Variants in ZNF532 observed in about 807,000 individuals in gnomAD.
The protein encoded by ZNF532 is zinc finger protein 532.
A neutral mutation model predicts 89.3 loss-of-function variants in ZNF532; 22 were observed. That is an observed-to-expected ratio of 0.25 (90% CI 0.18 to 0.35). The LOEUF (loss-of-function observed/expected upper bound fraction) is 0.35. Ranked by LOEUF, ZNF532 falls within the 10% of genes least tolerant of loss-of-function variation. The pLI is 1.00. For missense variants in ZNF532, 1,132 were observed against 1,643.4 expected (o/e 0.69, Z 5.38); for synonymous variants, 606 against 649.6 (o/e 0.93, Z 1.02).
chr18:58,932,446 C>T (rs2062040758), intron 3 of ZNF532: 1 of 152,184 alleles, frequency 6.6e-6, no homozygotes, highest in Non-Finnish European at 1.5e-5. Flanking sequence ...GTAGTGCAAT[C>T]ACATTACTTT....
chr18:58,945,795 T>C (rs2063599686), intron 5 of ZNF532, among the ~76,000 whole-genome samples: 1 of 152,016 alleles, frequency 6.6e-6, no homozygotes, highest in African/African-American at 2.4e-5. Flanking sequence ...CAGCGTGGTC[T>C]CAGCTCACTG....
rs144794401 is a variant in ZNF532 at position 58,885,803 on chromosome 18, G to A, written c.-18+20224G>A. 5.3e-3 allele frequency among the ~76,000 whole-genome samples: 799 copies of A among 150,346 alleles called. 4 individuals are homozygous for A. The highest frequency in any genetic ancestry group is 0.018 in the African/African-American group (756 of 40,952). On this transcript the variant is annotated intron_variant, in intron 2 of 9. Transcript: ENST00000591808. Reference sequence around the variant, plus strand: ...CGGGAGGCGGAGGTTGCAGTGAGCCGAAATCGCATCATCGTACTCCAGCCT... The same window carrying A: ...CGGGAGGCGGAGGTTGCAGTGAGCCAAAATCGCATCATCGTACTCCAGCCT...
intron 2 of ZNF532, among the ~76,000 whole-genome samples, chr18:58,916,453 A>G (rs1164411977): frequency 6.6e-6 from 1 of 152,054 alleles, no homozygotes; most frequent in Non-Finnish European, 1.5e-5. Context: ...TACTTTTTGC[A>G]TCGGTGGTAG....
chr18:58,863,875 C>T (rs2144279591), upstream of ZNF532: 1 of 152,252 alleles, frequency 6.6e-6, no homozygotes, highest in East Asian at 1.9e-4. Context: ...CCCCTCGTGC[C>T]CACTCCTGCG....
chr18:58,967,531 C>A (rs904193753), intron 7 of ZNF532, among the ~76,000 whole-genome samples: 1 of 152,146 alleles, frequency 6.6e-6, no homozygotes, highest in Admixed American at 6.5e-5. Flanking sequence ...TCTCTTCATC[C>A]CCACCCTGCC....
At chr18:58,978,123 C>T (rs190681418) in intron 7 of ZNF532, among the ~76,000 whole-genome samples, 1 of 152,254 alleles carries the variant, frequency 6.6e-6, no homozygotes, top group African/African-American at 2.4e-5. Context: ...ATATCTCAGC[C>T]TGAGTGGGAA....
chr18:58,965,417 G>C (rs1031648280), intron 7 of ZNF532, among the ~76,000 whole-genome samples: 18 of 152,218 alleles, frequency 1.2e-4, no homozygotes, highest in African/African-American at 3.4e-4. Context: ...CCTGCCAGAG[G>C]CAGGTTTCTA....
intron 4 of ZNF532, among the ~76,000 whole-genome samples, chr18:58,935,737 C>T (rs1368856790): frequency 1.3e-5 from 2 of 151,834 alleles, no homozygotes; most frequent in African/African-American, 2.4e-5. Flanking sequence ...AAACATGTCA[C>T]TGATACACAG....
chr18:58,966,738 G>GTTTTTTT (rs540133909), intron 7 of ZNF532, among the ~76,000 whole-genome samples: 8 of 125,994 alleles, frequency 6.3e-5, no homozygotes, highest in Non-Finnish European at 1.0e-4. Context: ...ATTTTTTTGT[G>GTTTTTTT]TTTTTTTTTT....
At position 58,953,819 on chromosome 18, in the gene ZNF532, T is replaced by TGCTCTGGGTGAGTGCAAGAGAGG; in HGVS notation, c.3150+23_3150+45dup. 6.2e-7 allele frequency: 1 copy of TGCTCTGGGTGAGTGCAAGAGAGG among 1,604,130 alleles called. No individual in the cohort carries two copies. The highest frequency in any genetic ancestry group is 8.5e-7 in the Non-Finnish European group (1 of 1,174,194). Reference sequence around the variant, plus strand: ...GGGAAGGTCAGTAAAGAATGAAAGCTGCTCTGGGTGAGTGCAAGAGAGGGC... The same window carrying TGCTCTGGGTGAGTGCAAGAGAGG: ...GGGAAGGTCAGTAAAGAATGAAAGCTGCTCTGGGTGAGTGCAAGAGAGGGCTCTGGGTGAGTGCAAGAGAGGGC... On this transcript the variant is annotated intron_variant, in intron 7 of 9. Transcript: ENST00000591808.
At position 58,971,752 on chromosome 18, in the gene ZNF532, A is replaced by G. The variant is rs556352118; in HGVS notation, c.3151-7303A>G. ...AAGAGGCTTATTTTTCACAACCTTT[A>G]TATTGGAAAGACTGCCTTCAATAGT... On this transcript the variant is annotated intron_variant, in intron 7 of 9. Coordinates refer to ENST00000591808, the MANE Select transcript of ZNF532 (RefSeq NM_001375912.1). Among the ~76,000 whole-genome samples the G allele has an allele frequency of 4.3e-4, 65 of 152,340 alleles. 1 individual carries two copies. The highest frequency in any genetic ancestry group is 1.5e-3 in the African/African-American group (62 of 41,576).
Position 58,907,934 on chromosome 18 carries a change from A to G in ZNF532, c.-17-10337A>G, listed in dbSNP as rs377355002. Among the ~76,000 whole-genome samples the G allele has an allele frequency of 2.6e-3, 396 of 152,292 alleles. 2 individuals carry two copies. Among genetic ancestry groups the G allele is most frequent in the African/African-American group, 8.6e-3 (359 of 41,554 alleles). On this transcript the variant is annotated intron_variant, in intron 2 of 9. Transcript: ENST00000591808. ...CTGACTAGGAAGGTTAATAAATGAG[A>G]TGACCACAGACTGTTTTCCTGAATG... is the stretch of plus-strand genomic sequence containing the variant.
chr18:58,896,937 G>T (rs1186536830), intron 2 of ZNF532, among the ~76,000 whole-genome samples: 3 of 152,220 alleles, frequency 2.0e-5, no homozygotes, highest in Non-Finnish European at 4.4e-5. Context: ...TTGAAAGCAG[G>T]CAGCCCAGCG....
In ZNF532 at chr18:58,920,410, C is replaced by T. The variant is rs771799307; in HGVS notation, c.2123C>T (p.Pro708Leu). 6.2e-6 allele frequency: 10 copies of T among 1,613,942 alleles called. No individual in the cohort carries two copies. In the South Asian group the frequency reaches 6.6e-5, roughly 11 times the overall value. ...TSTSTSTLQS[P>L]VGAGTHTVTK... ...ACTTCAACTTCCACTCTTCAGAGCC[C>T]TGTGGGAGCTGGCACACACACTGTC... The change falls in exon 3 of 10, where the codon CCT (proline) becomes CTT (leucine). Residue 708 changes from proline to leucine, a missense_variant. Around this residue, in one of 9 missense-constraint regions of ZNF532, gnomAD observed 100 missense variants for 122.0 expected, o/e 0.82. Transcript: ENST00000591808.
chr18:58,969,872 CCTTT>C (rs763042651), intron 7 of ZNF532, among the ~76,000 whole-genome samples: 2 of 134,570 alleles, frequency 1.5e-5, no homozygotes, highest in Non-Finnish European at 3.1e-5. Context: ...AATATTTGTC[CCTTT>C]TTTTTTTTTT....
chr18:58,926,087 A>G (rs1047735611), intron 3 of ZNF532: 2 of 152,154 alleles, frequency 1.3e-5, no homozygotes, highest in African/African-American at 4.8e-5. Flanking sequence ...TTTCATATAA[A>G]TTTTAGAATA....
At chr18:58,884,158 C>G (rs1159565941) in intron 2 of ZNF532, among the ~76,000 whole-genome samples, 2 of 152,268 alleles carry the variant, frequency 1.3e-5, no homozygotes, top group African/African-American at 2.4e-5. Context: ...GCAGGCAGAT[C>G]ACCTGAGGTC....
At chr18:58,951,707 T>G (rs1805694604) in intron 6 of ZNF532, among the ~76,000 whole-genome samples, 1 of 134,720 alleles carries the variant, frequency 7.4e-6, no homozygotes, top group Non-Finnish European at 1.5e-5. Context: ...TGGAGTGCAG[T>G]GGGGAGATCT....
chr18:58,874,115 G>T (rs1290187424), intron 2 of ZNF532, among the ~76,000 whole-genome samples: 2 of 151,950 alleles, frequency 1.3e-5, no homozygotes, highest in Non-Finnish European at 2.9e-5. Context: ...TTCTTGGAGG[G>T]TATTGTCTCC....
Sources: allele counts gnomAD v4.1 joint callset (sites outside exome capture counted in the v4.1 genomes callset), GRCh38; gene constraint gnomAD v4.1.1; regional missense constraint gnomAD v4.1.1; transcripts MANE v1.5; gene names NCBI Gene and HGNC (gene_info 2026-07-23, HGNC 2026-07-21).